Variants in MAP7 observed in about 807,000 individuals in gnomAD.
The protein encoded by MAP7 is microtubule associated protein 7.
In MAP7, 52 loss-of-function variants were observed where a neutral mutation model predicts 94.8. That is an observed-to-expected ratio of 0.55 (90% CI 0.44 to 0.69). MAP7 has a LOEUF of 0.69. MAP7 is among the 30% of genes least tolerant of loss of function. The probability of loss-of-function intolerance (pLI) is 0.00; values close to 1 mark genes in which losing one functional copy is unlikely to be tolerated. For missense variants in MAP7, 940 were observed against 964.6 expected, an observed-to-expected ratio of 0.97 and a Z score of 0.34; for synonymous variants, 350 against 357.0, an observed-to-expected ratio of 0.98 and a Z score of 0.22.
chr6:136,422,539 C>G (rs528179643), intron 1 of MAP7, among the ~76,000 whole-genome samples: 1 of 152,292 alleles, frequency 6.6e-6, no homozygotes, highest in East Asian at 1.9e-4. Flanking sequence ...ACTTCATTAT[C>G]GTCTGCATGT....
At chr6:136,476,038 T>C (rs1454081337) in intron 1 of MAP7, 3 of 152,194 alleles carry the variant, frequency 2.0e-5, no homozygotes, top group African/African-American at 7.2e-5. Flanking sequence ...ACTTATACAT[T>C]CTTTTTTGAA....
At chr6:136,483,178 G>A (rs2128970041) in intron 1 of MAP7, among the ~76,000 whole-genome samples, 1 of 150,586 alleles carries the variant, frequency 6.6e-6, no homozygotes, top group Non-Finnish European at 1.5e-5. Context: ...ATACACCATG[G>A]AATACTATGC....
At chr6:136,391,759 A>G (rs1780846287) in intron 3 of MAP7, among the ~76,000 whole-genome samples, 1 of 152,164 alleles carries the variant, frequency 6.6e-6, no homozygotes. Context: ...ACACTTTAAA[A>G]GTTAAGAGAA....
intron 1 of MAP7, among the ~76,000 whole-genome samples, chr6:136,433,803 C>G (rs1242485209): frequency 6.6e-6 from 1 of 152,162 alleles, no homozygotes; most frequent in Non-Finnish European, 1.5e-5. Flanking sequence ...AGTAGTGGAG[C>G]AAAAGGGTGG....
At chr6:136,427,683 C>T (rs1371010011) in intron 1 of MAP7, among the ~76,000 whole-genome samples, 1 of 152,202 alleles carries the variant, frequency 6.6e-6, no homozygotes, top group Non-Finnish European at 1.5e-5. Flanking sequence ...TTGAGTTATA[C>T]ACAGCACTCT....
intron 1 of MAP7, among the ~76,000 whole-genome samples, chr6:136,523,303 G>A (rs142714201): frequency 4.6e-5 from 7 of 152,238 alleles, no homozygotes; most frequent in East Asian, 3.9e-4. Flanking sequence ...CAGTAAGGAC[G>A]AACGAACCAG....
At chr6:136,525,456 T>C (rs868348645) in intron 1 of MAP7, among the ~76,000 whole-genome samples, 1 of 152,206 alleles carries the variant, frequency 6.6e-6, no homozygotes, top group South Asian at 2.1e-4. Flanking sequence ...GCAAAAATTA[T>C]CTGAGGCACC....
At chr6:136,510,565 G>C (rs2129029683) in intron 1 of MAP7, among the ~76,000 whole-genome samples, 1 of 152,204 alleles carries the variant, frequency 6.6e-6, no homozygotes, top group South Asian at 2.1e-4. Flanking sequence ...TCTTCAGGTA[G>C]GAGGATGAGC....
chr6:136,531,851 A>C (rs779044088), intron 1 of MAP7, among the ~76,000 whole-genome samples: 10 of 152,208 alleles, frequency 6.6e-5, no homozygotes, highest in Non-Finnish European at 1.2e-4. Flanking sequence ...AATGCAAAGA[A>C]AGGTAGTTAT....
chr6:136,416,902 A>G (rs6916078), intron 2 of MAP7, among the ~76,000 whole-genome samples: 126,269 of 152,134 alleles, frequency 0.83, 52,492 homozygotes, highest in Middle Eastern at 0.87. Context: ...GCTTGAGTCC[A>G]GGAGTTTGAG....
At chr6:136,472,616 T>C (rs1380267732) in intron 1 of MAP7, among the ~76,000 whole-genome samples, 1 of 152,090 alleles carries the variant, frequency 6.6e-6, no homozygotes, top group African/African-American at 2.4e-5. Flanking sequence ...CCTCAGTGAG[T>C]AGCAGCCAGT....
At chr6:136,445,027 A>T (rs1798911589) in intron 1 of MAP7, among the ~76,000 whole-genome samples, 1 of 152,242 alleles carries the variant, frequency 6.6e-6, no homozygotes, top group Admixed American at 6.5e-5. Flanking sequence ...TCATATAATG[A>T]AACGAGTTCA....
At chr6:136,389,245 T>C (rs1780006676) in intron 4 of MAP7, 109 bp downstream of exon 4, 2 of 1,461,998 alleles carry the variant, frequency 1.4e-6, no homozygotes, top group East Asian at 2.5e-5. Context: ...CTGATCACTC[T>C]GAAACCATTT....
intron 3 of MAP7, among the ~76,000 whole-genome samples, chr6:136,394,724 C>G (rs956480993): frequency 4.6e-5 from 7 of 151,050 alleles, no homozygotes; most frequent in African/African-American, 9.7e-5. Flanking sequence ...ACCTCCCCCC[C>G]ACCTTTCTGT....
At chr6:136,511,999 C>G (rs979852212) in intron 1 of MAP7, among the ~76,000 whole-genome samples, 9 of 152,134 alleles carry the variant, frequency 5.9e-5, no homozygotes, top group Non-Finnish European at 1.0e-4. Context: ...AATGTCCTAG[C>G]CGAAAACAAA....
chr6:136,388,775 C>T (rs1258620785), intron 4 of MAP7, among the ~76,000 whole-genome samples: 1 of 152,172 alleles, frequency 6.6e-6, no homozygotes, highest in African/African-American at 2.4e-5. Context: ...GTGATGCTTT[C>T]ATGAACACAC....
At chr6:136,536,005 T>G (rs1401691531) in intron 1 of MAP7, among the ~76,000 whole-genome samples, 2 of 152,114 alleles carry the variant, frequency 1.3e-5, no homozygotes, top group Non-Finnish European at 2.9e-5. Flanking sequence ...TGTTTGGTTG[T>G]TTGTCCTGGC....
chr6:136,403,000 G>A (rs1025419764), intron 3 of MAP7, among the ~76,000 whole-genome samples: 1 of 149,528 alleles, frequency 6.7e-6, no homozygotes, highest in Non-Finnish European at 1.5e-5. Context: ...AGGAATGTTA[G>A]CCTTCACTAA....
intron 3 of MAP7, among the ~76,000 whole-genome samples, chr6:136,397,924 T>C (rs1313619294): frequency 6.6e-6 from 1 of 152,218 alleles, no homozygotes; most frequent in African/African-American, 2.4e-5. Context: ...TTTACTCTTC[T>C]GAAGTCACAA....
Sources: gnomAD v4.1 joint callset for allele counts (sites outside exome capture counted in the v4.1 genomes callset) on GRCh38, gnomAD v4.1.1 for gene constraint, MANE v1.5 for transcripts, NCBI Gene and HGNC (gene_info 2026-07-23, HGNC 2026-07-21) for gene names.